The following HECW2 variants were observed in gnomAD, a reference collection of about 807,000 sequenced individuals.
HECW2 encodes HECT, C2 and WW domain containing E3 ubiquitin protein ligase 2, also known as E3 ubiquitin-protein ligase HECW2.
In HECW2, 61 loss-of-function variants were observed where a neutral mutation model predicts 175.2. The ratio of observed to expected loss-of-function variants is 0.35; its 90% confidence interval spans 0.28 to 0.43. The LOEUF (loss-of-function observed/expected upper bound fraction) is 0.43, where lower values mean the gene tolerates loss of function less well. HECW2 is among the 20% of genes least tolerant of loss of function. The probability of loss-of-function intolerance (pLI) is 1.00; values close to 1 mark genes in which losing one functional copy is unlikely to be tolerated. For synonymous variants in HECW2, 671 were observed against 731.0 expected, an observed-to-expected ratio of 0.92 and a Z score of 1.32; for missense variants, 1,524 against 2,000.5, an observed-to-expected ratio of 0.76 and a Z score of 4.54.
intron 2 of HECW2, among the ~76,000 whole-genome samples, chr2:196,363,336 T>C (rs1693653197): frequency 1.3e-5 from 2 of 151,814 alleles, no homozygotes. Flanking sequence ...TAGGCCCATG[T>C]TACAGATGAG....
chr2:196,363,143 T>C (rs1003898934), intron 2 of HECW2, among the ~76,000 whole-genome samples: 11 of 152,150 alleles, frequency 7.2e-5, no homozygotes, highest in African/African-American at 2.2e-4. Context: ...AGGCCTCTTC[T>C]GGACATGCAA....
chr2:196,342,332 A>C (rs1001773635), intron 3 of HECW2, among the ~76,000 whole-genome samples: 4 of 150,100 alleles, frequency 2.7e-5, no homozygotes, highest in Admixed American at 1.3e-4. Flanking sequence ...TGAACCCGGG[A>C]GGCGGAGGTT....
intron 5 of HECW2, among the ~76,000 whole-genome samples, chr2:196,325,858 G>A (rs1396770761): frequency 1.3e-5 from 2 of 152,176 alleles, no homozygotes; most frequent in Non-Finnish European, 2.9e-5. Flanking sequence ...ACAAATTGCT[G>A]TTTCACACTA....
Position 196,294,246 on chromosome 2 carries a change from A to G in HECW2, c.2815-1496T>C, listed in dbSNP as rs577460833. Among the ~76,000 whole-genome samples the G allele has an allele frequency of 1.1e-4, 17 of 152,316 alleles. No homozygotes were observed. In the East Asian group the frequency reaches 3.3e-3, roughly 29 times the overall value. ...CAATAAATATTTATTGCATAATACC[A>G]TGCACAAAACAGCAGAAGAGGAATA... On this transcript the variant is annotated intron_variant, in intron 13 of 28. Coordinates refer to ENST00000644978, the MANE Select transcript of HECW2 (RefSeq NM_001348768.2).
In HECW2 at chr2:196,319,142, C is replaced by G. The variant is rs1691834080; in HGVS notation, c.1748G>C (p.Gly583Ala). ...GCTTCCTCCTGATGCATCGGAAGTC[C>G]CTGTGTCTGCGCCACTTGTGGGCTG... ...VDQPTSGADT[G>A]TSDASGGSRR... Residue 583 changes from glycine to alanine, a missense_variant, in exon 9 of 29, where the codon GGG becomes GCG. This residue lies in a region of HECW2 where 604 missense variants were observed against 588.3 expected (regional missense o/e 1.03). Coordinates refer to ENST00000644978, the MANE Select transcript of HECW2 (RefSeq NM_001348768.2). 1.3e-6 allele frequency: 2 copies of G among 1,593,310 alleles called. No individual in the cohort carries two copies. The highest frequency in any genetic ancestry group is 1.7e-5 in the Admixed American group (1 of 58,322).
At chr2:196,232,614 C>G (rs1290522724) in intron 21 of HECW2, among the ~76,000 whole-genome samples, 1 of 152,150 alleles carries the variant, frequency 6.6e-6, no homozygotes, top group Admixed American at 6.5e-5. Flanking sequence ...TGAAAGGTTG[C>G]TCAATTTGAA....
At chr2:196,260,991 G>A (rs1384255326) in intron 17 of HECW2, among the ~76,000 whole-genome samples, 1 of 152,112 alleles carries the variant, frequency 6.6e-6, no homozygotes, top group Non-Finnish European at 1.5e-5. Flanking sequence ...TATGACTTCG[G>A]GTCCCATGTT....
At chr2:196,215,393 C>T (rs1279523170) in intron 28 of HECW2, among the ~76,000 whole-genome samples, 2 of 152,170 alleles carry the variant, frequency 1.3e-5, no homozygotes, top group Non-Finnish European at 2.9e-5. Context: ...TGTAATCTTA[C>T]TATGAATGAG....
chr2:196,446,869 T>C (rs1357910635), intron 1 of HECW2, among the ~76,000 whole-genome samples: 2 of 152,242 alleles, frequency 1.3e-5, no homozygotes, highest in Non-Finnish European at 1.5e-5. Flanking sequence ...ATAAGAGTTA[T>C]CCAATGCCTA....
Position 196,253,967 on chromosome 2 carries a change from C to G in HECW2, c.3482G>C (p.Cys1161Ser). ...PPHALLHPSY[C>S]QSPRGSPVSS... ...CACGGGAGAGCCACGTGGGGACTGACAGTAGCTGGGGTGGAGTAAGGCATG... is the reference window on the plus strand; with the variant it reads ...CACGGGAGAGCCACGTGGGGACTGAGAGTAGCTGGGGTGGAGTAAGGCATG... Residue 1161 changes from cysteine (C) to serine (S), a missense_variant, in exon 19 of 29, where the codon TGT becomes TCT. Around this residue, in one of 11 missense-constraint regions of HECW2, gnomAD observed 291 missense variants for 412.2 expected, o/e 0.71. Transcript: ENST00000644978. 1 of 1,614,062 alleles carries G rather than the reference C, an allele frequency of 6.2e-7. No individual in the cohort carries two copies. The highest frequency in any genetic ancestry group is 8.5e-7 in the Non-Finnish European group (1 of 1,179,960).
chr2:196,379,916 G>T (rs62187098), intron 2 of HECW2, among the ~76,000 whole-genome samples: 1 of 146,432 alleles, frequency 6.8e-6, no homozygotes, highest in Non-Finnish European at 1.5e-5. Context: ...AAAAAAAAAG[G>T]ATGAGGGGAG....
chr2:196,218,887 T>A (rs534518393), intron 26 of HECW2, among the ~76,000 whole-genome samples: 1 of 152,210 alleles, frequency 6.6e-6, no homozygotes, highest in African/African-American at 2.4e-5. Flanking sequence ...GCAATTGGAC[T>A]TCAGAAATAG....
chr2:196,363,004 C>T (rs1693641639), intron 2 of HECW2, among the ~76,000 whole-genome samples: 1 of 152,138 alleles, frequency 6.6e-6, no homozygotes. Flanking sequence ...AATTACCTCT[C>T]TATTGTTCCC....
At chr2:196,406,970 T>C (rs1348567267) in intron 2 of HECW2, among the ~76,000 whole-genome samples, 1 of 152,212 alleles carries the variant, frequency 6.6e-6, no homozygotes, top group Admixed American at 6.5e-5. Context: ...TTATTTTCCA[T>C]CTTTTCTCTT....
chr2:196,256,058 G>A (rs113936510), intron 18 of HECW2, among the ~76,000 whole-genome samples: 2 of 152,096 alleles, frequency 1.3e-5, no homozygotes, highest in Admixed American at 1.3e-4. Flanking sequence ...GGGCAACAGA[G>A]CGAGACTGCA....
chr2:196,513,656 TTAAC>T (rs1688039455), intron 1 of HECW2, among the ~76,000 whole-genome samples: 1 of 152,158 alleles, frequency 6.6e-6, no homozygotes, highest in African/African-American at 2.4e-5. Context: ...AATGAAATAT[TTAAC>T]TGTGCAGAAC....
At chr2:196,522,944 T>C (rs1362525846) in intron 1 of HECW2, among the ~76,000 whole-genome samples, 2 of 152,174 alleles carry the variant, frequency 1.3e-5, no homozygotes, top group Non-Finnish European at 2.9e-5. Flanking sequence ...TGACTTAGGA[T>C]TGACTTGGTG....
chr2:196,547,879 T>C (rs1232198227), intron 1 of HECW2, among the ~76,000 whole-genome samples: 3 of 152,152 alleles, frequency 2.0e-5, no homozygotes, highest in Non-Finnish European at 4.4e-5. Flanking sequence ...TACCAGCAAC[T>C]GAGGGGCAAC....
intron 5 of HECW2, among the ~76,000 whole-genome samples, chr2:196,326,343 G>T (rs976405034): frequency 1.3e-5 from 2 of 152,172 alleles, no homozygotes; most frequent in African/African-American, 4.8e-5. Context: ...CATGGCCCAG[G>T]TACATGTGCT....
Sources: allele counts gnomAD v4.1 joint callset (sites outside exome capture counted in the v4.1 genomes callset), GRCh38; gene constraint gnomAD v4.1.1; regional missense constraint gnomAD v4.1.1; transcripts MANE v1.5; gene names NCBI Gene and HGNC (gene_info 2026-07-23, HGNC 2026-07-21).